Variants in TRERF1 observed in about 807,000 individuals in gnomAD.
The protein encoded by TRERF1 is transcriptional-regulating factor 1.
Under a neutral mutation model 122.9 loss-of-function variants are expected in TRERF1, and 27 were observed. The observed-to-expected ratio is 0.22, with a 90% CI of 0.16 to 0.30. The LOEUF (loss-of-function observed/expected upper bound fraction) is 0.30, where lower values mean the gene tolerates loss of function less well. Ranked by LOEUF, TRERF1 falls within the 10% of genes least tolerant of loss-of-function variation. The pLI is 1.00. For synonymous variants in TRERF1, 636 were observed against 641.7 expected (o/e 0.99, Z 0.13); for missense variants, 1,248 against 1,560.3 (o/e 0.80, Z 3.37).
chr6:42,246,272 C>G (rs934886775), intron 14 of TRERF1, among the ~76,000 whole-genome samples, 184 bp downstream of exon 14: 1 of 152,198 alleles, frequency 6.6e-6, no homozygotes, highest in African/African-American at 2.4e-5. Flanking sequence ...CCCCTGTCCT[C>G]TCCCTGCCAC....
chr6:42,248,357 CT>C (rs112540098), intron 13 of TRERF1, among the ~76,000 whole-genome samples: 17,592 of 145,588 alleles, frequency 0.12, 1,235 homozygotes, highest in African/African-American at 0.2. Flanking sequence ...TTATCTTTTT[CT>C]TTTTTTTTTT....
At chr6:42,349,527 A>G (rs934289093) in intron 3 of TRERF1, among the ~76,000 whole-genome samples, 1 of 152,122 alleles carries the variant, frequency 6.6e-6, no homozygotes, top group African/African-American at 2.4e-5. Context: ...TCCATAAGCT[A>G]CCCAGTGAAC....
intron 3 of TRERF1, among the ~76,000 whole-genome samples, chr6:42,360,668 A>C (rs2150941063): frequency 6.6e-6 from 1 of 150,708 alleles, no homozygotes; most frequent in African/African-American, 2.4e-5. Flanking sequence ...AGTGTCCAGA[A>C]CTCTACACAC....
chr6:42,441,920 C>CCAGGCA (rs1407543492), intron 2 of TRERF1, among the ~76,000 whole-genome samples: 2 of 152,080 alleles, frequency 1.3e-5, no homozygotes, highest in Non-Finnish European at 1.5e-5. Flanking sequence ...CTGGCCAGGC[C>CCAGGCA]CAGGCACACA....
intron 16 of TRERF1, among the ~76,000 whole-genome samples, chr6:42,233,225 C>A (rs1582416338): frequency 6.7e-6 from 1 of 149,558 alleles, no homozygotes; most frequent in African/African-American, 2.5e-5. Context: ...CATTTCCCTT[C>A]TGTATACTTT....
chr6:42,300,467 C>T (rs578137429), intron 4 of TRERF1, among the ~76,000 whole-genome samples, 171 bp downstream of exon 4: 1 of 152,300 alleles, frequency 6.6e-6, no homozygotes, highest in Non-Finnish European at 1.5e-5. Flanking sequence ...TCTCCTTTAA[C>T]CAAAATGAGC....
chr6:42,284,167 G>C (rs899461423), intron 4 of TRERF1, among the ~76,000 whole-genome samples: 3 of 152,060 alleles, frequency 2.0e-5, no homozygotes, highest in Non-Finnish European at 4.4e-5. Context: ...AGGAATTGTA[G>C]TGCAGCATCC....
At chr6:42,353,969 AT>A (rs1201640818) in intron 3 of TRERF1, among the ~76,000 whole-genome samples, 1 of 152,198 alleles carries the variant, frequency 6.6e-6, no homozygotes, top group Non-Finnish European at 1.5e-5. Flanking sequence ...TATTACTTTA[AT>A]TTTTTTATGT....
chr6:42,369,956 C>G (rs951663303), intron 2 of TRERF1, among the ~76,000 whole-genome samples: 5 of 152,288 alleles, frequency 3.3e-5, no homozygotes, highest in Admixed American at 3.3e-4. Context: ...TAAACCTACC[C>G]TTCACCTTCC....
At chr6:42,350,757 G>A (rs952090087) in intron 3 of TRERF1, among the ~76,000 whole-genome samples, 20 of 152,130 alleles carry the variant, frequency 1.3e-4, no homozygotes, top group Non-Finnish European at 1.5e-5. Context: ...GACTCAATGG[G>A]TATAATACCA....
intron 3 of TRERF1, among the ~76,000 whole-genome samples, chr6:42,317,927 G>T (rs930577687): frequency 3.3e-5 from 5 of 152,126 alleles, no homozygotes; most frequent in African/African-American, 1.2e-4. Context: ...GCCGAGGCAG[G>T]CGGATCACCT....
chr6:42,265,644 A>T, intron 6 of TRERF1, 107 bp downstream of exon 6: 1 of 1,203,746 alleles, frequency 8.3e-7, no homozygotes, highest in Non-Finnish European at 1.2e-6. Context: ...TATTATTTCT[A>T]CACACTTCTT....
At position 42,228,356 on chromosome 6, in the gene TRERF1, C is replaced by T. The variant is rs201292742; in HGVS notation, c.3592G>A (p.Ala1198Thr). ...TGACACACAGGGCTTTATAGTTCTG[C>T]GTCACCCTGAAGCAAGACTGAATCT... The change falls in exon 18 of 18, where the codon GCA becomes ACA. Residue 1198 changes from alanine (A) to threonine (T), a missense_variant. By Grantham distance (58) the Ala-to-Thr change is moderately conservative (BLOSUM62 0). Around this residue, in one of 5 missense-constraint regions of TRERF1, gnomAD observed 84 missense variants for 116.0 expected, o/e 0.72. Transcript: ENST00000372922. This position sits in a 1 kb window ranked among gnomAD's most constrained non-coding sequence, Gnocchi z 4.2. 8.0e-5 allele frequency: 129 copies of T among 1,611,694 alleles called. No homozygotes were observed. The highest frequency in any genetic ancestry group is 4.7e-4 in the East Asian group (21 of 44,802).
At chr6:42,354,557 C>G (rs1428226695) in intron 3 of TRERF1, among the ~76,000 whole-genome samples, 1 of 151,912 alleles carries the variant, frequency 6.6e-6, no homozygotes, top group Non-Finnish European at 1.5e-5. Context: ...TTTGGTGAAG[C>G]CAAAATGATT....
chr6:42,301,404 A>C (rs944703628), intron 3 of TRERF1, among the ~76,000 whole-genome samples: 1 of 151,952 alleles, frequency 6.6e-6, no homozygotes, highest in Non-Finnish European at 1.5e-5. Flanking sequence ...TAATTTTTGT[A>C]TTTTTAGTAG....
chr6:42,266,747 G>A (rs1204919012), intron 5 of TRERF1, among the ~76,000 whole-genome samples: 1 of 152,192 alleles, frequency 6.6e-6, no homozygotes, highest in African/African-American at 2.4e-5. Flanking sequence ...ATAGTAGGCT[G>A]TTTTCTGGTC....
At chr6:42,272,462 G>T (rs941557076) in intron 4 of TRERF1, among the ~76,000 whole-genome samples, 1 of 152,306 alleles carries the variant, frequency 6.6e-6, no homozygotes, top group Middle Eastern at 3.4e-3. Flanking sequence ...CTGCTCAAAG[G>T]GTGGTCCAGG....
At chr6:42,446,079 A>G (rs942626240) in intron 2 of TRERF1, among the ~76,000 whole-genome samples, 2 of 152,046 alleles carry the variant, frequency 1.3e-5, no homozygotes, top group African/African-American at 4.8e-5. Flanking sequence ...CACGCAGCCT[A>G]ATTTTTGTAT....
intron 13 of TRERF1, among the ~76,000 whole-genome samples, chr6:42,252,776 C>T (rs1776054114): frequency 6.6e-6 from 1 of 152,206 alleles, no homozygotes; most frequent in Non-Finnish European, 1.5e-5. Context: ...TTGGGTCAGA[C>T]TTCAGAGACC....
Sources: gnomAD v4.1 joint callset for allele counts (sites outside exome capture counted in the v4.1 genomes callset) on GRCh38, gnomAD v4.1.1 for gene constraint, gnomAD v4.1.1 regional missense constraint, Gnocchi (gnomAD v3.1) non-coding constraint, MANE v1.5 for transcripts, NCBI Gene and HGNC (gene_info 2026-07-23, HGNC 2026-07-21) for gene names.